Variants in PCDH15 observed in about 807,000 individuals in gnomAD.
PCDH15 encodes protocadherin related 15.
Under a neutral mutation model 178.5 loss-of-function variants are expected in PCDH15, and 129 were observed. The observed-to-expected ratio is 0.72, with a 90% CI of 0.63 to 0.84. PCDH15 has a LOEUF of 0.84. Ranked by LOEUF, PCDH15 falls within the 40% of genes least tolerant of loss-of-function variation. The pLI is 0.00. For synonymous variants in PCDH15, 800 were observed against 732.0 expected (o/e 1.09, Z -1.50); for missense variants, 2,230 against 2,099.9 (o/e 1.06, Z -1.21).
At chr10:55,520,523 G>GTGTA (rs1554880390) in intron 2 of PCDH15, among the ~76,000 whole-genome samples, 10 of 145,450 alleles carry the variant, frequency 6.9e-5, no homozygotes, top group South Asian at 4.3e-4. Context: ...GTGTGTGTGT[G>GTGTA]TATATATATA....
chr10:54,836,746 G>T (rs1041918545), intron 3 of PCDH15, among the ~76,000 whole-genome samples: 1 of 152,028 alleles, frequency 6.6e-6, no homozygotes, highest in Non-Finnish European at 1.5e-5. Context: ...AAAAATTACA[G>T]TGTTAATAAA....
At chr10:55,612,426 A>G (rs901714756) in intron 2 of PCDH15, among the ~76,000 whole-genome samples, 5 of 152,134 alleles carry the variant, frequency 3.3e-5, no homozygotes, top group African/African-American at 1.2e-4. Context: ...GGCACGTCCA[A>G]AAGAATACGT....
chr10:53,976,281 GTTCATTCA>G (rs919332162), intron 21 of PCDH15, among the ~76,000 whole-genome samples: 3 of 152,054 alleles, frequency 2.0e-5, no homozygotes, highest in Admixed American at 6.6e-5. Flanking sequence ...GTAATGTGGG[GTTCATTCA>G]TTCATTCATT....
At chr10:55,294,538 A>T (rs1430279156) in intron 1 of PCDH15, among the ~76,000 whole-genome samples, 1 of 152,180 alleles carries the variant, frequency 6.6e-6, no homozygotes, top group African/African-American at 2.4e-5. Context: ...TTACTGGAAA[A>T]TACTTCACTG....
intron 3 of PCDH15, among the ~76,000 whole-genome samples, chr10:54,851,816 G>T (rs377135227): frequency 6.6e-6 from 1 of 151,950 alleles, no homozygotes. Context: ...GTGTTCTGCC[G>T]GCCTCAGCCT....
chr10:54,715,908 T>C (rs2095474717), intron 1 of PCDH15, among the ~76,000 whole-genome samples: 1 of 152,128 alleles, frequency 6.6e-6, no homozygotes, highest in Admixed American at 6.6e-5. Context: ...TCCCTTCAGG[T>C]GCAGAGATTG....
At chr10:55,454,474 A>G (rs951046019) in intron 2 of PCDH15, among the ~76,000 whole-genome samples, 3 of 151,990 alleles carry the variant, frequency 2.0e-5, no homozygotes, top group Non-Finnish European at 2.9e-5. Context: ...TAATATTTCT[A>G]TCTTAGAAGT....
At chr10:55,613,145 C>A (rs544446657) in intron 2 of PCDH15, among the ~76,000 whole-genome samples, 165 of 151,030 alleles carry the variant, frequency 1.1e-3, no homozygotes, top group Admixed American at 1.9e-3. Context: ...CAGACAGTGT[C>A]CAGTCAGAAA....
intron 18 of PCDH15, among the ~76,000 whole-genome samples, chr10:54,039,280 T>C (rs993346478): frequency 3.9e-5 from 6 of 152,112 alleles, no homozygotes; most frequent in African/African-American, 1.4e-4. Context: ...TTATTAATTA[T>C]TCTAGCTGCA....
At chr10:55,587,506 C>A (rs1029204602) in intron 2 of PCDH15, among the ~76,000 whole-genome samples, 1 of 152,060 alleles carries the variant, frequency 6.6e-6, no homozygotes, top group Non-Finnish European at 1.5e-5. Context: ...TGCCTCTCAC[C>A]ACCTCACTGC....
intron 15 of PCDH15, among the ~76,000 whole-genome samples, chr10:54,128,579 T>C (rs1157861337): frequency 6.6e-6 from 1 of 152,222 alleles, no homozygotes; most frequent in South Asian, 2.1e-4. Flanking sequence ...CAGACTTTTT[T>C]TGTAATAACA....
intron 3 of PCDH15, among the ~76,000 whole-genome samples, chr10:54,522,353 T>C (rs2082967809): frequency 2.0e-5 from 3 of 152,338 alleles, no homozygotes; most frequent in Middle Eastern, 3.4e-3. Context: ...TCACATATGC[T>C]CTTTCTCATC....
intron 1 of PCDH15, among the ~76,000 whole-genome samples, chr10:55,278,665 G>A (rs1842654310): frequency 6.6e-6 from 1 of 152,148 alleles, no homozygotes; most frequent in Non-Finnish European, 1.5e-5. Flanking sequence ...ACCAGAATCA[G>A]TAAGAATTTA....
At chr10:55,365,735 C>T (rs946040906) in intron 2 of PCDH15, among the ~76,000 whole-genome samples, 2 of 152,082 alleles carry the variant, frequency 1.3e-5, no homozygotes, top group Non-Finnish European at 2.9e-5. Context: ...TGCCTTTCAC[C>T]TTCCGCCATG....
At chr10:54,748,396 C>A (rs1945756559) in intron 1 of PCDH15, among the ~76,000 whole-genome samples, 2 of 152,060 alleles carry the variant, frequency 1.3e-5, no homozygotes, top group South Asian at 4.1e-4. Flanking sequence ...GGTCCGTGCT[C>A]TTTTTTAATT....
intron 3 of PCDH15, among the ~76,000 whole-genome samples, chr10:54,519,416 T>C (rs372861283): frequency 3.3e-5 from 5 of 151,532 alleles, no homozygotes; most frequent in East Asian, 1.9e-4. Flanking sequence ...TATACACCAA[T>C]AACAGACAAA....
chr10:55,588,672 T>C (rs1369925604), intron 2 of PCDH15, among the ~76,000 whole-genome samples: 2 of 151,388 alleles, frequency 1.3e-5, no homozygotes, highest in Non-Finnish European at 2.9e-5. Context: ...TGCTCTATTA[T>C]CATTTCTGAA....
chr10:54,724,227 T>C (rs890158930), intron 1 of PCDH15, among the ~76,000 whole-genome samples: 1 of 150,380 alleles, frequency 6.6e-6, no homozygotes, highest in Non-Finnish European at 1.5e-5. Context: ...TAAAATTATG[T>C]CCTTTACAGC....
Position 54,378,895 on chromosome 10 carries a change from G to T in PCDH15, c.205C>A (p.Pro69Thr). The T allele has an allele frequency of 6.2e-7, 1 of 1,613,694 alleles. No homozygotes were observed. Among genetic ancestry groups the T allele is most frequent in the Non-Finnish European group, 8.5e-7 (1 of 1,179,774 alleles). ...NMLIKGTAGG[P>T]DPTIELSLKD... ...AAAGAAAGTTCTATGGTGGGGTCTG[G>T]TCCTCCAGCAGTCCCTTTGATCAGC... The change falls in exon 4 of 38, where the codon CCA (proline) becomes ACA (threonine). Residue 69 changes from proline to threonine, a missense_variant. Transcript: ENST00000644397.
Sources: gnomAD v4.1 joint callset for allele counts (sites outside exome capture counted in the v4.1 genomes callset) on GRCh38, gnomAD v4.1.1 for gene constraint, MANE v1.5 for transcripts, NCBI Gene and HGNC (gene_info 2026-07-23, HGNC 2026-07-21) for gene names.